CALCRL: variants seen among roughly 807,000 people sequenced by gnomAD.
CALCRL encodes the protein calcitonin receptor like receptor.
In CALCRL, 27 loss-of-function variants were observed where a neutral mutation model predicts 60.4. The ratio of observed to expected loss-of-function variants is 0.45; its 90% CI spans 0.33 to 0.62. The LOEUF (loss-of-function observed/expected upper bound fraction) is 0.62, where lower values mean the gene tolerates loss of function less well. Among genes scored for constraint, CALCRL ranks in the 20% least tolerant of loss-of-function variants. CALCRL has a pLI of 0.03. For synonymous variants in CALCRL, 190 were observed against 182.6 expected (o/e 1.04, Z -0.33); for missense variants, 424 against 540.7 (o/e 0.78, Z 2.14).
In CALCRL at chr2:187,418,872, T is replaced by C. The variant is rs967354747; in HGVS notation, c.-293+29167A>G. Among the ~76,000 whole-genome samples the C allele has an allele frequency of 4.0e-5, 6 of 149,882 alleles. No individual in the cohort carries two copies. In the South Asian group the frequency reaches 8.5e-4, roughly 21 times the overall value. On this transcript the variant is annotated intron_variant, in intron 1 of 14. Coordinates refer to ENST00000392370, the MANE Select transcript of CALCRL (RefSeq NM_005795.6). ...TTTTCTTTTTTTCTTTTTTTTTTTT[T>C]TTTAGATGGAGTCTTGCTCTGTCAC...
chr2:187,371,726 A>T (rs1687532015), intron 8 of CALCRL, among the ~76,000 whole-genome samples: 1 of 96,104 alleles, frequency 1.0e-5, no homozygotes, highest in Non-Finnish European at 2.2e-5. Context: ...ACAGAGCAAG[A>T]CTCCATTTTT....
intron 8 of CALCRL, among the ~76,000 whole-genome samples, chr2:187,373,497 T>A (rs1687619822): frequency 6.6e-6 from 1 of 152,224 alleles, no homozygotes. Flanking sequence ...ACATGAATAT[T>A]TTCTTTATAA....
At chr2:187,368,398 G>T (rs567535248) in intron 8 of CALCRL, among the ~76,000 whole-genome samples, 1 of 152,032 alleles carries the variant, frequency 6.6e-6, no homozygotes, top group East Asian at 1.9e-4. Flanking sequence ...CAGAAAAATA[G>T]TCATTTTTTT....
At chr2:187,429,348 A>T (rs981415285) in intron 1 of CALCRL, among the ~76,000 whole-genome samples, 3 of 152,146 alleles carry the variant, frequency 2.0e-5, no homozygotes, top group Non-Finnish European at 2.9e-5. Context: ...TCTAGCTATT[A>T]TCTTTAGGTC....
At chr2:187,432,047 A>G (rs1304907507) in intron 1 of CALCRL, among the ~76,000 whole-genome samples, 2 of 152,116 alleles carry the variant, frequency 1.3e-5, no homozygotes, top group Non-Finnish European at 2.9e-5. Flanking sequence ...AAAGTACAGA[A>G]AGAGAGTCAA....
intron 1 of CALCRL, chr2:187,415,648 C>A: frequency 1.6e-6 from 1 of 619,288 alleles, no homozygotes; most frequent in South Asian, 1.6e-5. Flanking sequence ...GGAGGGCCCC[C>A]TCAAGGACAT....
At chr2:187,400,546 T>TA (rs1326138667) in intron 1 of CALCRL, among the ~76,000 whole-genome samples, 1 of 151,290 alleles carries the variant, frequency 6.6e-6, no homozygotes, top group Non-Finnish European at 1.5e-5. Context: ...ACTCGAGAAA[T>TA]AAAGACAGAT....
chr2:187,418,543 T>C (rs2105866638), intron 1 of CALCRL, among the ~76,000 whole-genome samples: 1 of 152,306 alleles, frequency 6.6e-6, no homozygotes, highest in East Asian at 1.9e-4. Context: ...ACTTCTATTG[T>C]TATTTTGAAT....
chr2:187,397,440 AT>A (rs1266467402), intron 1 of CALCRL, among the ~76,000 whole-genome samples: 10 of 151,658 alleles, frequency 6.6e-5, no homozygotes, highest in Admixed American at 5.9e-4. Context: ...GCTCTAGCAA[AT>A]TTTTTATAAC....
At chr2:187,401,424 T>C (rs974975036) in intron 1 of CALCRL, among the ~76,000 whole-genome samples, 3 of 151,684 alleles carry the variant, frequency 2.0e-5, no homozygotes, top group Non-Finnish European at 4.4e-5. Flanking sequence ...TTAATTCTAT[T>C]TTATATATAT....
intron 1 of CALCRL, among the ~76,000 whole-genome samples, chr2:187,421,856 G>A (rs1224327011): frequency 6.6e-6 from 1 of 152,116 alleles, no homozygotes; most frequent in Non-Finnish European, 1.5e-5. Flanking sequence ...GTCGCAAGTT[G>A]GATCTCCCAA....
At chr2:187,356,821 C>A (rs529279077) in intron 12 of CALCRL, among the ~76,000 whole-genome samples, 1 of 152,054 alleles carries the variant, frequency 6.6e-6, no homozygotes, top group East Asian at 1.9e-4. Context: ...AAACAATCAA[C>A]GCCATCAAAA....
intron 3 of CALCRL, among the ~76,000 whole-genome samples, chr2:187,386,712 T>C (rs552901403): frequency 1.4e-3 from 45 of 31,274 alleles, no homozygotes; most frequent in African/African-American, 5.4e-3. Context: ...AACTAAATGA[T>C]ATGGTTTGGC....
At chr2:187,362,547 T>C (rs986483917) in intron 9 of CALCRL, among the ~76,000 whole-genome samples, 2 of 146,598 alleles carry the variant, frequency 1.4e-5, no homozygotes, top group Non-Finnish European at 3.0e-5. Context: ...CACTAGATAA[T>C]TTTTTCTTTT....
chr2:187,411,649 T>A (rs530159999), intron 1 of CALCRL, among the ~76,000 whole-genome samples: 40 of 152,076 alleles, frequency 2.6e-4, no homozygotes, highest in Non-Finnish European at 5.0e-4. Flanking sequence ...CCATTAAATA[T>A]TATGAGGTAT....
intron 1 of CALCRL, among the ~76,000 whole-genome samples, chr2:187,393,669 G>T (rs1025915498): frequency 2.0e-5 from 3 of 152,006 alleles, no homozygotes; most frequent in African/African-American, 4.8e-5. Context: ...AAAGTAGATT[G>T]CTTATGAAAT....
intron 1 of CALCRL, among the ~76,000 whole-genome samples, chr2:187,434,749 C>T (rs1259859786): frequency 1.3e-5 from 2 of 152,192 alleles, no homozygotes; most frequent in Admixed American, 6.5e-5. Flanking sequence ...TACATTCATA[C>T]AATGGAACAC....
chr2:187,375,649 T>G (rs1687726808), intron 8 of CALCRL, among the ~76,000 whole-genome samples: 1 of 152,180 alleles, frequency 6.6e-6, no homozygotes, highest in Non-Finnish European at 1.5e-5. Context: ...ATTGGCCTAT[T>G]TATATGTAAA....
intron 14 of CALCRL, among the ~76,000 whole-genome samples, chr2:187,348,988 T>C (rs1686405863): frequency 6.6e-6 from 1 of 151,746 alleles, no homozygotes. Context: ...ATTACAACTT[T>C]ATATACCCAT....
Sources: gnomAD v4.1 joint callset for allele counts (sites outside exome capture counted in the v4.1 genomes callset) on GRCh38, gnomAD v4.1.1 for gene constraint, MANE v1.5 for transcripts, NCBI Gene and HGNC (gene_info 2026-07-23, HGNC 2026-07-21) for gene names.